NRG1: variants seen among roughly 807,000 people sequenced by gnomAD.
NRG1 encodes neuregulin 1, also known as pro-neuregulin-1, membrane-bound isoform.
A neutral mutation model predicts 63.8 loss-of-function variants in NRG1; 18 were observed. The ratio of observed to expected loss-of-function variants is 0.28; its 90% CI spans 0.19 to 0.42. The LOEUF is 0.42. Among genes scored for constraint, NRG1 ranks in the 10% least tolerant of loss-of-function variants. The pLI is 1.00. For missense variants in NRG1, 762 were observed against 814.7 expected, an observed-to-expected ratio of 0.94 and a Z score of 0.79; for synonymous variants, 302 against 301.3, an observed-to-expected ratio of 1.00 and a Z score of -0.02.
At chr8:31,945,676 T>C (rs984008560) in intron 1 of NRG1, among the ~76,000 whole-genome samples, 7 of 152,204 alleles carry the variant, frequency 4.6e-5, no homozygotes, top group African/African-American at 1.7e-4. Flanking sequence ...GCAGCTCCCT[T>C]TCGACAGGTC....
At chr8:31,767,730 C>T (rs1818211047) in intron 1 of NRG1, among the ~76,000 whole-genome samples, 1 of 151,468 alleles carries the variant, frequency 6.6e-6, no homozygotes, top group African/African-American at 2.4e-5. Flanking sequence ...ATCCCAGCTA[C>T]TCAGGAGGCT....
intron 1 of NRG1, among the ~76,000 whole-genome samples, chr8:31,717,271 A>G (rs959797859): frequency 6.6e-6 from 1 of 151,828 alleles, no homozygotes; most frequent in African/African-American, 2.4e-5. Flanking sequence ...GCTGAGTGTG[A>G]TGGTGCACAC....
downstream of NRG1, among the ~76,000 whole-genome samples, chr8:32,770,702 G>A (rs1831726741): frequency 6.6e-6 from 1 of 152,150 alleles, no homozygotes; most frequent in Admixed American, 6.5e-5. Flanking sequence ...GAAAAGAGGA[G>A]GAAATTTGTG....
chr8:32,085,240 G>C (rs1363454754), intron 1 of NRG1, among the ~76,000 whole-genome samples: 1 of 152,172 alleles, frequency 6.6e-6, no homozygotes, highest in East Asian at 1.9e-4. Context: ...GAACAGGTCT[G>C]CTAGTCAGAG....
intron 1 of NRG1, among the ~76,000 whole-genome samples, chr8:32,209,203 A>G (rs2132368446): frequency 6.6e-6 from 1 of 152,270 alleles, no homozygotes; most frequent in Non-Finnish European, 1.5e-5. Flanking sequence ...TCCATGGACT[A>G]TTTTAACAAT....
At chr8:32,198,256 C>T (rs989904651) in intron 1 of NRG1, among the ~76,000 whole-genome samples, 10 of 152,160 alleles carry the variant, frequency 6.6e-5, no homozygotes, top group Non-Finnish European at 1.5e-5. Context: ...TGGCTCACTG[C>T]AACCTCTGCC....
At position 32,435,040 on chromosome 8, in the gene NRG1, C is replaced by A. The variant is rs79969304; in HGVS notation, c.38-160788C>A. 2.9e-3 allele frequency among the ~76,000 whole-genome samples: 439 copies of A among 152,150 alleles called. 4 individuals are homozygous for A. The highest frequency in any genetic ancestry group is 0.01 in the African/African-American group (420 of 41,508). On this transcript the variant is annotated intron_variant, in intron 1 of 10. Transcript: ENST00000519301. ...GGACAAATGTAATCACCATGTTTTC[C>A]CAGGTGGATTTTTAACAGTGGCCTT...
chr8:31,682,430 C>T (rs553816564), intron 1 of NRG1, among the ~76,000 whole-genome samples: 1 of 152,112 alleles, frequency 6.6e-6, no homozygotes, highest in African/African-American at 2.4e-5. Context: ...CTCAGAGGTT[C>T]GTTAGCAGAA....
chr8:32,498,145 A>T (rs2129495958), intron 1 of NRG1, among the ~76,000 whole-genome samples: 1 of 152,294 alleles, frequency 6.6e-6, no homozygotes, highest in South Asian at 2.1e-4. Context: ...TAATATTTAT[A>T]TGCAAAAGAG....
chr8:32,179,124 G>T (rs1841138879), intron 1 of NRG1, among the ~76,000 whole-genome samples: 1 of 147,496 alleles, frequency 6.8e-6, no homozygotes, highest in African/African-American at 2.5e-5. Context: ...AGAGGAATGA[G>T]CTGCTCTGTG....
chr8:31,758,613 G>A (rs1817223980), intron 1 of NRG1, among the ~76,000 whole-genome samples: 2 of 151,938 alleles, frequency 1.3e-5, no homozygotes, highest in Admixed American at 6.6e-5. Context: ...TAATGGTTTT[G>A]AGATTTATCT....
At chr8:32,485,381 C>T (rs1825784172) in intron 1 of NRG1, among the ~76,000 whole-genome samples, 1 of 152,208 alleles carries the variant, frequency 6.6e-6, no homozygotes. Flanking sequence ...GCTGGGATTA[C>T]TGGCGTGAGC....
intron 1 of NRG1, among the ~76,000 whole-genome samples, chr8:32,494,872 G>A (rs1307507022): frequency 6.6e-6 from 1 of 152,016 alleles, no homozygotes; most frequent in Non-Finnish European, 1.5e-5. Flanking sequence ...CTTCAAATAC[G>A]GTATGCGTCA....
chr8:32,367,279 C>CT (rs1808196238), intron 1 of NRG1, among the ~76,000 whole-genome samples: 1 of 152,004 alleles, frequency 6.6e-6, no homozygotes, highest in Non-Finnish European at 1.5e-5. Context: ...TTCCTTTTTC[C>CT]TTTTTCCACA....
chr8:32,084,436 G>C (rs1827930475), intron 1 of NRG1, among the ~76,000 whole-genome samples: 1 of 152,138 alleles, frequency 6.6e-6, no homozygotes, highest in African/African-American at 2.4e-5. Flanking sequence ...AGCTGGGTTG[G>C]ACCGTGAATA....
intron 1 of NRG1, among the ~76,000 whole-genome samples, chr8:31,752,049 T>G (rs1816528562): frequency 6.6e-6 from 1 of 151,940 alleles, no homozygotes; most frequent in Admixed American, 6.6e-5. Context: ...AAGAGAAATC[T>G]AGATTCACAA....
chr8:32,250,276 C>T (rs1848969067), intron 1 of NRG1, among the ~76,000 whole-genome samples: 1 of 152,020 alleles, frequency 6.6e-6, no homozygotes, highest in Non-Finnish European at 1.5e-5. Context: ...CATTATGGAA[C>T]ATCATCCCAA....
intron 1 of NRG1, among the ~76,000 whole-genome samples, chr8:31,775,698 A>G (rs562210313): frequency 2.6e-5 from 4 of 152,134 alleles, no homozygotes; most frequent in African/African-American, 9.6e-5. Flanking sequence ...CCTGGCTAAC[A>G]TGGTGAAACC....
intron 1 of NRG1, among the ~76,000 whole-genome samples, chr8:32,008,226 T>G (rs1350238517): frequency 6.6e-6 from 1 of 151,950 alleles, no homozygotes; most frequent in East Asian, 1.9e-4. Flanking sequence ...AGAGTACGCT[T>G]TCCCAGAGTG....
Sources: gnomAD v4.1 joint callset for allele counts (sites outside exome capture counted in the v4.1 genomes callset) on GRCh38, gnomAD v4.1.1 for gene constraint, MANE v1.5 for transcripts, NCBI Gene and HGNC (gene_info 2026-07-23, HGNC 2026-07-21) for gene names.